CTNNA2: variants seen among roughly 807,000 people sequenced by gnomAD.
CTNNA2 encodes the protein catenin alpha-2.
Under a neutral mutation model 101.0 loss-of-function variants are expected in CTNNA2, and 42 were observed. That is an observed-to-expected ratio of 0.42 (90% confidence interval 0.32 to 0.54). The LOEUF (loss-of-function observed/expected upper bound fraction) is 0.54, where lower values mean the gene tolerates loss of function less well. CTNNA2 is among the 20% of genes least tolerant of loss of function. CTNNA2 has a pLI of 0.14. For missense variants in CTNNA2, 871 were observed against 1,223.1 expected, an observed-to-expected ratio of 0.71 and a Z score of 4.29; for synonymous variants, 450 against 456.4, an observed-to-expected ratio of 0.99 and a Z score of 0.18.
chr2:80,526,292 C>G (rs1000829565), intron 9 of CTNNA2, among the ~76,000 whole-genome samples: 2 of 152,092 alleles, frequency 1.3e-5, no homozygotes, highest in African/African-American at 2.4e-5. Flanking sequence ...CTCCGCCTCC[C>G]GGGTTCAAGG....
At chr2:79,717,800 C>T (rs1686205316) in intron 2 of CTNNA2, among the ~76,000 whole-genome samples, 1 of 152,124 alleles carries the variant, frequency 6.6e-6, no homozygotes, top group African/African-American at 2.4e-5. Context: ...ACGTCAGAGA[C>T]TGTATGGGAC....
chr2:80,589,067 C>A lies in CTNNA2; in HGVS notation c.2008-237C>A, dbSNP rs541719195. On this transcript the variant is annotated intron_variant, in intron 14 of 18. Coordinates refer to ENST00000402739, the MANE Select transcript of CTNNA2 (RefSeq NM_001282597.3). ...GAAGTTCTGTTATTGCCAGTGCGCA[C>A]GTAGCTTTGGATATCTCTGTATTTT... is the stretch of plus-strand genomic sequence containing the variant. Among the ~76,000 whole-genome samples, 12 of 152,204 alleles carry A rather than the reference C, an allele frequency of 7.9e-5. No individual in the cohort carries two copies. In the South Asian group the frequency reaches 2.5e-3, roughly 32 times the overall value.
At chr2:80,631,565 C>T (rs533208723) in intron 18 of CTNNA2, among the ~76,000 whole-genome samples, 32 of 152,068 alleles carry the variant, frequency 2.1e-4, no homozygotes, top group Admixed American at 1.2e-3. Flanking sequence ...AACCCTTTGG[C>T]GCTTTTGCTG....
intron 7 of CTNNA2, among the ~76,000 whole-genome samples, chr2:80,108,684 T>C (rs1701031070): frequency 6.6e-6 from 1 of 152,198 alleles, no homozygotes; most frequent in Non-Finnish European, 1.5e-5. Flanking sequence ...CCCATTTTGC[T>C]GATTTTACTC....
intron 2 of CTNNA2, among the ~76,000 whole-genome samples, chr2:79,255,341 G>A (rs976518970): frequency 1.3e-5 from 2 of 152,136 alleles, no homozygotes; most frequent in Admixed American, 6.6e-5. Context: ...AGAACAGAGT[G>A]AATGTTTGTT....
intron 2 of CTNNA2, among the ~76,000 whole-genome samples, chr2:79,684,454 G>A (rs1027870638): frequency 8.5e-5 from 13 of 152,064 alleles, no homozygotes; most frequent in Admixed American, 4.6e-4. Flanking sequence ...TATGAATAAC[G>A]TGAATCAAAA....
chr2:80,601,043 G>A lies in CTNNA2; in HGVS notation c.2190-3031G>A, dbSNP rs1037332719. On this transcript the variant is annotated intron_variant, in intron 15 of 18. Coordinates refer to ENST00000402739, the MANE Select transcript of CTNNA2 (RefSeq NM_001282597.3). ...AAAAGCCCTGAACTTTGTAGCATTT[G>A]CTGATGTCCAGGAAGTAAATATTCC... Among the ~76,000 whole-genome samples, 9 of 152,242 alleles carry A rather than the reference G, an allele frequency of 5.9e-5. No homozygotes were observed. In the East Asian group the frequency reaches 1.5e-3, roughly 26 times the overall value.
intron 7 of CTNNA2, among the ~76,000 whole-genome samples, chr2:80,042,353 G>A (rs1295101954): frequency 6.6e-6 from 1 of 152,160 alleles, no homozygotes; most frequent in Non-Finnish European, 1.5e-5. Flanking sequence ...ATGGAGAATG[G>A]CGTCAAGGCT....
At chr2:79,752,163 AT>A (rs1445365943) in intron 3 of CTNNA2, among the ~76,000 whole-genome samples, 58 of 152,162 alleles carry the variant, frequency 3.8e-4, no homozygotes, top group African/African-American at 1.3e-3. Context: ...GTACTTGCCA[AT>A]AGAGAGAGGA....
At chr2:79,561,371 A>G (rs1674771402) in intron 1 of CTNNA2, among the ~76,000 whole-genome samples, 1 of 151,934 alleles carries the variant, frequency 6.6e-6, no homozygotes, top group Non-Finnish European at 1.5e-5. Flanking sequence ...ATCATGAATA[A>G]TGCTACTATG....
intron 3 of CTNNA2, among the ~76,000 whole-genome samples, chr2:79,756,468 GAC>G (rs1426687636): frequency 1.3e-5 from 2 of 152,044 alleles, no homozygotes; most frequent in Non-Finnish European, 2.9e-5. Context: ...TTTGAGATGA[GAC>G]AAATAAGTAA....
At chr2:79,470,057 G>A (rs769999475) in intron 4 of CTNNA2, among the ~76,000 whole-genome samples, 3 of 152,156 alleles carry the variant, frequency 2.0e-5, no homozygotes, top group South Asian at 2.1e-4. Flanking sequence ...AGGAAATAAA[G>A]GGTATTCAAT....
chr2:79,301,659 C>G (rs1162282775), intron 2 of CTNNA2, among the ~76,000 whole-genome samples: 1 of 152,138 alleles, frequency 6.6e-6, no homozygotes. Flanking sequence ...TCTCATCCCC[C>G]CTATCTCCCC....
intron 7 of CTNNA2, chr2:80,305,435 G>T: frequency 1.0e-6 from 1 of 952,586 alleles, no homozygotes; most frequent in Non-Finnish European, 1.2e-6. Flanking sequence ...TGTCTGACAT[G>T]GGGAGGGCTT....
At chr2:80,552,528 G>T (rs780801426) in intron 11 of CTNNA2, among the ~76,000 whole-genome samples, 5 of 152,162 alleles carry the variant, frequency 3.3e-5, no homozygotes, top group Admixed American at 1.3e-4. Flanking sequence ...AATTGGAGAA[G>T]GTTGAAAAAC....
chr2:80,411,999 C>T (rs1207445591), intron 8 of CTNNA2, among the ~76,000 whole-genome samples: 1 of 152,178 alleles, frequency 6.6e-6, no homozygotes, highest in East Asian at 1.9e-4. Context: ...CTCCCTTCCA[C>T]TAGCCTCTCC....
chr2:79,489,746 G>A (rs1386047213), intron 4 of CTNNA2, among the ~76,000 whole-genome samples: 1 of 152,172 alleles, frequency 6.6e-6, no homozygotes, highest in African/African-American at 2.4e-5. Flanking sequence ...GCATGTCTAT[G>A]TTTATGAACA....
intron 9 of CTNNA2, among the ~76,000 whole-genome samples, chr2:80,461,251 C>T (rs1457912713): frequency 2.0e-5 from 3 of 152,152 alleles, no homozygotes; most frequent in East Asian, 3.9e-4. Context: ...TGATGAAGTT[C>T]CTTATCCTCC....
At chr2:79,788,809 T>C (rs562497684) in intron 3 of CTNNA2, among the ~76,000 whole-genome samples, 2 of 152,210 alleles carry the variant, frequency 1.3e-5, no homozygotes, top group Non-Finnish European at 2.9e-5. Context: ...CTGTGCAGGC[T>C]CAAGCTCATT....
Sources: allele counts gnomAD v4.1 joint callset (sites outside exome capture counted in the v4.1 genomes callset), GRCh38; gene constraint gnomAD v4.1.1; transcripts MANE v1.5; gene names NCBI Gene and HGNC (gene_info 2026-07-23, HGNC 2026-07-21).